PTK2: variants seen among roughly 807,000 people sequenced by gnomAD.
The protein encoded by PTK2 is protein tyrosine kinase 2.
PTK2 carries 45 observed loss-of-function variants against 150.1 expected under a neutral mutation model. The observed-to-expected ratio is 0.30, with a 90% confidence interval of 0.24 to 0.38. The LOEUF (loss-of-function observed/expected upper bound fraction) is 0.38, where lower values mean the gene tolerates loss of function less well. PTK2 is among the 10% of genes least tolerant of loss of function. The pLI, the probability that PTK2 is intolerant of heterozygous loss-of-function variation, is 1.00. For synonymous variants in PTK2, 432 were observed against 449.2 expected, an observed-to-expected ratio of 0.96 and a Z score of 0.48; for missense variants, 919 against 1,307.3, an observed-to-expected ratio of 0.70 and a Z score of 4.58.
At chr8:140,918,984 C>T (rs2100166376) in intron 2 of PTK2, among the ~76,000 whole-genome samples, 1 of 152,134 alleles carries the variant, frequency 6.6e-6, no homozygotes, top group African/African-American at 2.4e-5. Context: ...CCTCCCTGTC[C>T]TGGTACAAGA....
Position 140,757,897 on chromosome 8 carries a change from T to A in PTK2, c.1332+3268A>T, listed in dbSNP as rs116935757. On this transcript the variant is annotated intron_variant, in intron 16 of 31. Coordinates refer to ENST00000522684, the Ensembl canonical transcript of PTK2. The stretch of plus-strand genomic sequence containing the variant: ...GACAGAAATCAAATTTCTTATGTGA[T>A]CATGGTGATGCTGGTGTAAACAAAT... 3.3e-3 allele frequency among the ~76,000 whole-genome samples: 496 copies of A among 152,340 alleles called. 21 individuals carry two copies. The East Asian group carries it at 0.087, about 27-fold the overall frequency.
intron 1 of PTK2, among the ~76,000 whole-genome samples, chr8:140,933,983 T>C (rs1349081): frequency 0.42 from 63,022 of 150,956 alleles, 15,029 homozygotes; most frequent in Non-Finnish European, 0.55. Context: ...ATAAATGACA[T>C]AGAGCTAAAG....
At chr8:140,857,682 T>G (rs556732832) in intron 5 of PTK2, among the ~76,000 whole-genome samples, 1 of 152,330 alleles carries the variant, frequency 6.6e-6, no homozygotes, top group East Asian at 1.9e-4. Context: ...CTCAGCTGGC[T>G]GAGGACTGAC....
chr8:140,934,893 AAG>A (rs35824364), intron 1 of PTK2, among the ~76,000 whole-genome samples: 3,363 of 152,292 alleles, frequency 0.022, 131 homozygotes, highest in African/African-American at 0.078. Flanking sequence ...AGGGAAAAGA[AAG>A]AGATATCAAA....
intron 2 of PTK2, among the ~76,000 whole-genome samples, chr8:140,899,967 G>A (rs1482551227): frequency 6.6e-6 from 1 of 152,002 alleles, no homozygotes; most frequent in African/African-American, 2.4e-5. Flanking sequence ...AATAATAAAA[G>A]GCCATATATG....
chr8:140,990,657 T>C (rs2100195372), intron 1 of PTK2, among the ~76,000 whole-genome samples: 1 of 152,220 alleles, frequency 6.6e-6, no homozygotes, highest in Non-Finnish European at 1.5e-5. Flanking sequence ...AGGAAATTCA[T>C]GTGGAAACAT....
chr8:140,875,270 A>G (rs559922200), intron 4 of PTK2, among the ~76,000 whole-genome samples: 122 of 152,350 alleles, frequency 8.0e-4, no homozygotes, highest in Non-Finnish European at 1.4e-3. Flanking sequence ...GTTGTAAACG[A>G]TAAAGGAAAA....
rs140049888 is a variant in PTK2 at position 140,715,903 on chromosome 8, G to A, written c.2142+1695C>T. 2.6e-5 allele frequency among the ~76,000 whole-genome samples: 4 copies of A among 152,282 alleles called. No individual in the cohort carries two copies. The East Asian group carries it at 7.7e-4, about 29-fold the overall frequency. On this transcript the variant is annotated intron_variant, in intron 23 of 31. Coordinates refer to ENST00000522684, the Ensembl canonical transcript of PTK2. Reference sequence around the variant, plus strand: ...CCCATGAACCTAATTTGGAAAATTAGTCATATTAAACTCACTAAAAATCCA... The same window carrying A: ...CCCATGAACCTAATTTGGAAAATTAATCATATTAAACTCACTAAAAATCCA...
chr8:140,879,676 G>C, intron 3 of PTK2, 39 bp from the exon 4 acceptor site: 4 of 33,812 alleles, frequency 1.2e-4, no homozygotes, highest in Non-Finnish European at 8.9e-5. Flanking sequence ...GTTATAAACT[G>C]AAAAAAAAAA....
At chr8:140,989,086 A>G (rs935173233) in intron 1 of PTK2, among the ~76,000 whole-genome samples, 17 of 151,918 alleles carry the variant, frequency 1.1e-4, no homozygotes, top group African/African-American at 3.6e-4. Context: ...TATCCAAAAA[A>G]CACTTTTGAG....
chr8:140,719,321 GT>G (rs1227870952), intron 22 of PTK2, among the ~76,000 whole-genome samples: 4 of 152,202 alleles, frequency 2.6e-5, no homozygotes, highest in Non-Finnish European at 5.9e-5. Flanking sequence ...ACTCTTCACA[GT>G]ATTTAAGAAT....
intron 26 of PTK2, among the ~76,000 whole-genome samples, chr8:140,697,413 G>GGTTT (rs1353780982): frequency 1.6e-5 from 2 of 128,372 alleles, no homozygotes; most frequent in African/African-American, 6.5e-5. Context: ...CTTAGAATAC[G>GGTTT]GTTTGTGTGT....
chr8:140,814,086 C>T (rs1191273166), intron 10 of PTK2, among the ~76,000 whole-genome samples: 1 of 152,110 alleles, frequency 6.6e-6, no homozygotes, highest in Non-Finnish European at 1.5e-5. Context: ...CATATAAACC[C>T]TCCCAAGACT....
chr8:140,937,966 T>C (rs547044606), intron 1 of PTK2, among the ~76,000 whole-genome samples: 38 of 152,340 alleles, frequency 2.5e-4, no homozygotes, highest in African/African-American at 8.2e-4. Context: ...ATTTCTTCTG[T>C]TGAAAAATAT....
chr8:140,877,673 G>GTAT (rs1392777136), intron 4 of PTK2, among the ~76,000 whole-genome samples: 1 of 151,830 alleles, frequency 6.6e-6, no homozygotes, highest in Non-Finnish European at 1.5e-5. Flanking sequence ...ATCATCATTA[G>GTAT]TATTATTATG....
intron 3 of PTK2, among the ~76,000 whole-genome samples, chr8:140,884,335 T>G (rs911613163): frequency 6.6e-6 from 1 of 152,244 alleles, no homozygotes; most frequent in South Asian, 2.1e-4. Flanking sequence ...TTCTTAAAGC[T>G]TTCCTTTCTA....
chr8:140,731,955 C>T (rs1277191770), intron 22 of PTK2, among the ~76,000 whole-genome samples: 1 of 152,068 alleles, frequency 6.6e-6, no homozygotes, highest in Non-Finnish European at 1.5e-5. Context: ...GGGAATCCCA[C>T]AGTAATTTGA....
At chr8:140,701,811 G>A (rs1053215719) in intron 25 of PTK2, among the ~76,000 whole-genome samples, 3 of 152,032 alleles carry the variant, frequency 2.0e-5, no homozygotes, top group Admixed American at 6.6e-5. Flanking sequence ...AGTAGATGGG[G>A]TATCCTGATC....
chr8:140,821,615 G>C (rs1352960313), intron 8 of PTK2: 1 of 152,260 alleles, frequency 6.6e-6, no homozygotes, highest in Non-Finnish European at 1.5e-5. Context: ...CAGCACTGTT[G>C]CTAGAAATTT....
Sources: allele counts gnomAD v4.1 joint callset (sites outside exome capture counted in the v4.1 genomes callset), GRCh38; gene constraint gnomAD v4.1.1; transcripts MANE v1.5; gene names NCBI Gene and HGNC (gene_info 2026-07-23, HGNC 2026-07-21).